ANO3: variants seen among roughly 807,000 people sequenced by gnomAD.
ANO3 encodes anoctamin 3, also known as anoctamin-3.
Under a neutral mutation model 144.8 loss-of-function variants are expected in ANO3, and 99 were observed. The observed-to-expected ratio is 0.68, with a 90% CI of 0.58 to 0.81. ANO3 has a LOEUF of 0.81. Ranked by LOEUF, ANO3 falls within the 30% of genes least tolerant of loss-of-function variation. The pLI is 0.00. For missense variants in ANO3, 905 were observed against 1,202.2 expected (o/e 0.75, Z 3.66); for synonymous variants, 414 against 392.6 (o/e 1.05, Z -0.64).
intron 1 of ANO3, among the ~76,000 whole-genome samples, chr11:26,395,549 G>T (rs185214759): frequency 6.6e-6 from 1 of 152,200 alleles, no homozygotes; most frequent in African/African-American, 2.4e-5. Flanking sequence ...AGTGTGAATG[G>T]GAGTTCACTC....
intron 14 of ANO3, among the ~76,000 whole-genome samples, chr11:26,592,160 T>C (rs1851472477): frequency 6.6e-6 from 1 of 152,204 alleles, no homozygotes; most frequent in South Asian, 2.1e-4. Flanking sequence ...GGGCCATCCA[T>C]ACAGCATCTT....
intron 9 of ANO3, among the ~76,000 whole-genome samples, chr11:26,536,222 G>A (rs1423159937): frequency 6.6e-6 from 1 of 151,608 alleles, no homozygotes; most frequent in Non-Finnish European, 1.5e-5. Flanking sequence ...GAGAGGCTGA[G>A]GCAAGAGAAT....
chr11:26,609,787 T>C (rs576396023), intron 17 of ANO3, among the ~76,000 whole-genome samples: 1 of 152,362 alleles, frequency 6.6e-6, no homozygotes, highest in South Asian at 2.1e-4. Flanking sequence ...ATAGTAATTC[T>C]ATTTTTCATT....
In ANO3 at chr11:26,492,533, C is replaced by T. The variant is rs184303263; in HGVS notation, c.433-15571C>T. Among the ~76,000 whole-genome samples, 1,274 of 152,268 alleles carry T rather than the reference C, an allele frequency of 8.4e-3. 6 individuals carry two copies. Among genetic ancestry groups the T allele is most frequent in the Non-Finnish European group, 0.012 (802 of 68,006 alleles). ...GTGATTTATCATTTAATATCTGCCA[C>T]TTGTTTTAATAAAGTACTCTTATGT... is the stretch of plus-strand genomic sequence containing the variant. On this transcript the variant is annotated intron_variant, in intron 4 of 26. Transcript: ENST00000256737.
intron 1 of ANO3, among the ~76,000 whole-genome samples, chr11:26,391,850 G>T (rs1856888739): frequency 1.3e-5 from 2 of 152,000 alleles, no homozygotes; most frequent in African/African-American, 2.4e-5. Flanking sequence ...GAGAAACTCA[G>T]GATCACAGGC....
At chr11:26,505,624 G>A (rs10767545) in intron 4 of ANO3, among the ~76,000 whole-genome samples, 95,780 of 151,922 alleles carry the variant, frequency 0.63, 30,826 homozygotes, top group East Asian at 0.79. Context: ...GGGAGTCAAA[G>A]GAAAAAGTTG....
intron 24 of ANO3, among the ~76,000 whole-genome samples, chr11:26,649,476 C>T (rs1249216284): frequency 3.9e-5 from 6 of 152,170 alleles, no homozygotes; most frequent in African/African-American, 7.2e-5. Context: ...CGGTGGCTCA[C>T]GCCTGTAATC....
intron 4 of ANO3, among the ~76,000 whole-genome samples, chr11:26,503,527 G>A (rs948792097): frequency 1.6e-4 from 25 of 152,034 alleles, no homozygotes; most frequent in African/African-American, 5.8e-4. Context: ...TTCTTGCTAC[G>A]TAATTCAGAA....
chr11:26,515,499 A>G (rs1412535421), intron 5 of ANO3, among the ~76,000 whole-genome samples: 1 of 151,998 alleles, frequency 6.6e-6, no homozygotes, highest in Non-Finnish European at 1.5e-5. Flanking sequence ...TAGGCCAATG[A>G]CATTGGTTCT....
chr11:26,222,747 G>A (rs1200392318), intron 1 of ANO3, among the ~76,000 whole-genome samples: 1 of 152,178 alleles, frequency 6.6e-6, no homozygotes, highest in African/African-American at 2.4e-5. Flanking sequence ...CCAGAGCTGT[G>A]GTATAAGCTG....
chr11:26,422,891 A>G (rs540356236), intron 1 of ANO3, among the ~76,000 whole-genome samples: 4 of 151,934 alleles, frequency 2.6e-5, no homozygotes, highest in Non-Finnish European at 4.4e-5. Context: ...AGGATATCAG[A>G]TTTTCAGTTT....
chr11:26,205,089 T>C (rs1427236694), intron 1 of ANO3, among the ~76,000 whole-genome samples: 1 of 152,086 alleles, frequency 6.6e-6, no homozygotes, highest in East Asian at 1.9e-4. Context: ...AAAACAATCA[T>C]ATCTCATGAG....
intron 1 of ANO3, among the ~76,000 whole-genome samples, chr11:26,282,074 T>C (rs755263122): frequency 6.6e-6 from 1 of 152,126 alleles, no homozygotes; most frequent in Non-Finnish European, 1.5e-5. Context: ...GTTACATTAT[T>C]TGGGTTGTCA....
intron 1 of ANO3, among the ~76,000 whole-genome samples, chr11:26,189,578 TTAA>T (rs1482862425): frequency 6.6e-6 from 1 of 152,196 alleles, no homozygotes; most frequent in East Asian, 1.9e-4. Flanking sequence ...CAGAAAAATG[TTAA>T]TGATGTAATA....
rs970473859 is a variant in ANO3 at position 26,482,059 on chromosome 11, AT to A, written c.432+18921del. Among the ~76,000 whole-genome samples the A allele has an allele frequency of 5.5e-4, 81 of 146,038 alleles. 2 individuals carry two copies. The Middle Eastern group carries it at 0.014, about 26-fold the overall frequency. On this transcript the variant is annotated intron_variant, in intron 4 of 26. Coordinates refer to ENST00000256737, the MANE Select transcript of ANO3 (RefSeq NM_031418.4). Reference sequence around the variant, plus strand: ...AGGCACATGCTACCATGCCTTGCTCATTTTTTTTTTAATCTTCTCTTAGAGA... The same window carrying A: ...AGGCACATGCTACCATGCCTTGCTCATTTTTTTTTAATCTTCTCTTAGAGA...
At chr11:26,604,626 C>G (rs1427087368) in intron 17 of ANO3, among the ~76,000 whole-genome samples, 2 of 152,098 alleles carry the variant, frequency 1.3e-5, no homozygotes, top group African/African-American at 4.8e-5. Flanking sequence ...AGAGTTCTTT[C>G]AGATCCCTTG....
intron 1 of ANO3, among the ~76,000 whole-genome samples, chr11:26,194,640 A>T (rs950441424): frequency 1.3e-5 from 2 of 151,972 alleles, no homozygotes; most frequent in Admixed American, 6.6e-5. Flanking sequence ...AGCTGGGATT[A>T]TAGCCATGGG....
chr11:26,244,332 T>G (rs1172046928), intron 1 of ANO3, among the ~76,000 whole-genome samples: 1 of 152,158 alleles, frequency 6.6e-6, no homozygotes, highest in African/African-American at 2.4e-5. Flanking sequence ...AACATAGTAA[T>G]AGGATTTTGG....
At chr11:26,332,053 G>A, upstream of ANO3, 3 of 1,375,694 alleles carry the variant, frequency 2.2e-6, no homozygotes, top group Non-Finnish European at 2.9e-6. Context: ...TGTTCCCAGA[G>A]TAGCCGCTAA....
Sources: gnomAD v4.1 joint callset for allele counts (sites outside exome capture counted in the v4.1 genomes callset) on GRCh38, gnomAD v4.1.1 for gene constraint, MANE v1.5 for transcripts, NCBI Gene and HGNC (gene_info 2026-07-23, HGNC 2026-07-21) for gene names.